The following PLD1 variants were observed in gnomAD, a reference collection of about 807,000 sequenced individuals.
PLD1 encodes the protein choline phosphatase 1.
In PLD1, 112 loss-of-function variants were observed where a neutral mutation model predicts 137.1. That is an observed-to-expected ratio of 0.82 (90% CI 0.70 to 0.96). PLD1 has a LOEUF of 0.96. Among genes scored for constraint, PLD1 ranks in the 40% least tolerant of loss-of-function variants. The probability of loss-of-function intolerance (pLI) is 0.00; values close to 1 mark genes in which losing one functional copy is unlikely to be tolerated. For missense variants in PLD1, 1,321 were observed against 1,342.0 expected, an observed-to-expected ratio of 0.98 and a Z score of 0.24; for synonymous variants, 431 against 454.7, an observed-to-expected ratio of 0.95 and a Z score of 0.66.
chr3:171,672,228 C>A (rs1470300540), intron 19 of PLD1, among the ~76,000 whole-genome samples: 1 of 152,188 alleles, frequency 6.6e-6, no homozygotes, highest in African/African-American at 2.4e-5. Context: ...AGCTATCTCT[C>A]CCCAGCTAAC....
intron 1 of PLD1, among the ~76,000 whole-genome samples, chr3:171,795,273 A>C (rs2108354203): frequency 6.6e-6 from 1 of 152,362 alleles, no homozygotes; most frequent in Admixed American, 6.5e-5. Context: ...CCTGGCAGTC[A>C]TACATGTGCA....
At chr3:171,745,482 A>C (rs6801138) in intron 1 of PLD1, among the ~76,000 whole-genome samples, 57,561 of 151,994 alleles carry the variant, frequency 0.38, 12,406 homozygotes, top group African/African-American at 0.58. Context: ...TGCCACCAAC[A>C]ATCTCAGCCT....
At chr3:171,712,337 G>C (rs566006123) in intron 9 of PLD1, among the ~76,000 whole-genome samples, 2 of 152,196 alleles carry the variant, frequency 1.3e-5, no homozygotes, top group Non-Finnish European at 2.9e-5. Flanking sequence ...AGGTGCCTGG[G>C]CTTGACCTAT....
At chr3:171,800,742 G>C (rs538886589) in intron 1 of PLD1, among the ~76,000 whole-genome samples, 2 of 152,268 alleles carry the variant, frequency 1.3e-5, no homozygotes, top group South Asian at 4.1e-4. Context: ...TGGGGGCTAG[G>C]AAGTCCAAGA....
Position 171,612,172 on chromosome 3 carries a change from G to A in PLD1, c.2882+107C>T, listed in dbSNP as rs1484920221. The A allele has an allele frequency of 5.3e-6, 5 of 943,968 alleles. No homozygotes were observed. The highest frequency in any genetic ancestry group is 8.2e-6 in the Non-Finnish European group (5 of 609,424). 58.5% of individuals were successfully genotyped at this position (943,968 alleles called of 1,614,324 possible). A position where few individuals can be genotyped will look rare whatever the true frequency, so the allele number is the denominator to read the frequency against. ...CTATATTCTGGGACACACTGTTTTAGATGAAGAAGAACCTAGGATGACCCA... is the reference window on the plus strand; with the variant it reads ...CTATATTCTGGGACACACTGTTTTAAATGAAGAAGAACCTAGGATGACCCA... On this transcript the variant is annotated intron_variant, in intron 25 of 26. Transcript: ENST00000351298. This position sits in a 1 kb window ranked among gnomAD's most constrained non-coding sequence, Gnocchi z 4.1.
intron 1 of PLD1, among the ~76,000 whole-genome samples, chr3:171,754,905 C>G (rs1720910242): frequency 6.6e-6 from 1 of 152,170 alleles, no homozygotes; most frequent in Non-Finnish European, 1.5e-5. Flanking sequence ...CAACTTTTAT[C>G]CAAGGTCACC....
chr3:171,686,181 A>T (rs1714540771), intron 16 of PLD1, among the ~76,000 whole-genome samples: 1 of 151,972 alleles, frequency 6.6e-6, no homozygotes, highest in African/African-American at 2.4e-5. Flanking sequence ...CCAAATGTGA[A>T]TGTCATATAT....
chr3:171,659,575 A>T (rs868409729), intron 20 of PLD1, among the ~76,000 whole-genome samples: 2 of 152,348 alleles, frequency 1.3e-5, no homozygotes, highest in Middle Eastern at 6.8e-3. Context: ...GTGATTTTCT[A>T]AATTACATTC....
At chr3:171,678,143 C>CT (rs2108485991) in intron 16 of PLD1, among the ~76,000 whole-genome samples, 1 of 152,270 alleles carries the variant, frequency 6.6e-6, no homozygotes, top group South Asian at 2.1e-4. Flanking sequence ...CATGCCACTT[C>CT]TTTTTCCTCA....
At chr3:171,685,701 A>T (rs1427811790) in intron 16 of PLD1, among the ~76,000 whole-genome samples, 1 of 152,190 alleles carries the variant, frequency 6.6e-6, no homozygotes, top group Non-Finnish European at 1.5e-5. Flanking sequence ...TATTCCCACC[A>T]CAAGTTAAAC....
chr3:171,691,270 C>A (rs1036155202), intron 13 of PLD1, among the ~76,000 whole-genome samples: 1 of 152,094 alleles, frequency 6.6e-6, no homozygotes, highest in Non-Finnish European at 1.5e-5. Context: ...GTCTACCAAT[C>A]TCTGTTTTTT....
chr3:171,686,477 G>C (rs1439885712), intron 16 of PLD1, among the ~76,000 whole-genome samples: 1 of 152,174 alleles, frequency 6.6e-6, no homozygotes, highest in Non-Finnish European at 1.5e-5. Flanking sequence ...TATTAGGTCT[G>C]TTTTGTCTTT....
At chr3:171,622,388 ATTAT>A (rs1035711597) in intron 23 of PLD1, among the ~76,000 whole-genome samples, 1 of 152,210 alleles carries the variant, frequency 6.6e-6, no homozygotes, top group Non-Finnish European at 1.5e-5. Context: ...AGCTTTGATA[ATTAT>A]TTAAGATTAG....
At chr3:171,713,126 T>C (rs1412340863) in intron 9 of PLD1, among the ~76,000 whole-genome samples, 1 of 152,228 alleles carries the variant, frequency 6.6e-6, no homozygotes, top group African/African-American at 2.4e-5. Context: ...ATGTACTCAC[T>C]AATAAAATCT....
At chr3:171,667,153 G>A (rs1712233480) in intron 19 of PLD1, among the ~76,000 whole-genome samples, 1 of 152,080 alleles carries the variant, frequency 6.6e-6, no homozygotes, top group African/African-American at 2.4e-5. Context: ...AGACTATTTA[G>A]GACAAAAGCA....
At chr3:171,723,113 A>G (rs1386010465) in intron 8 of PLD1, among the ~76,000 whole-genome samples, 2 of 152,118 alleles carry the variant, frequency 1.3e-5, no homozygotes, top group Non-Finnish European at 2.9e-5. Context: ...ATTTGTTTGT[A>G]TCCATTAACC....
Position 171,686,720 on chromosome 3 carries a change from C to T in PLD1, c.1832G>A (p.Ser611Asn), listed in dbSNP as rs755231943. 1.1e-5 allele frequency: 18 copies of T among 1,608,636 alleles called. No individual in the cohort carries two copies. The South Asian group carries it at 2.0e-4, about 18-fold the overall frequency. The stretch of plus-strand genomic sequence containing the variant: ...TCTAGTGAGTCCTTGCTCAGACTCA[C>T]TGGACGGGTGAAAGAGTTTGAAGTG... Reference protein sequence around the residue: ...KPHFKLFHPSSESEQGLTRPH... With the variant: ...KPHFKLFHPSNESEQGLTRPH... Residue 611 changes from serine to asparagine, a missense_variant, in exon 16 of 27, where the codon AGT becomes AAT. Physicochemically the swap from Ser to Asn is conservative, Grantham distance 46. Coordinates refer to ENST00000351298, the MANE Select transcript of PLD1 (RefSeq NM_002662.5).
At chr3:171,746,635 C>A (rs1037323224) in intron 1 of PLD1, among the ~76,000 whole-genome samples, 2 of 152,164 alleles carry the variant, frequency 1.3e-5, no homozygotes, top group African/African-American at 4.8e-5. Flanking sequence ...CTAGTGGGGA[C>A]TTGGAGAACC....
intron 8 of PLD1, among the ~76,000 whole-genome samples, chr3:171,717,448 A>C (rs1452436101): frequency 6.6e-6 from 1 of 152,004 alleles, no homozygotes; most frequent in Non-Finnish European, 1.5e-5. Flanking sequence ...ATTCCTAGGT[A>C]TTTTATTCTT....
Sources: gnomAD v4.1 joint callset for allele counts (sites outside exome capture counted in the v4.1 genomes callset) on GRCh38, gnomAD v4.1.1 for gene constraint, Gnocchi (gnomAD v3.1) non-coding constraint, MANE v1.5 for transcripts, NCBI Gene and HGNC (gene_info 2026-07-23, HGNC 2026-07-21) for gene names.